The following C2orf76 variants were observed in gnomAD, a reference collection of about 807,000 sequenced individuals.
The protein encoded by C2orf76 is chromosome 2 open reading frame 76.
Under a neutral mutation model 16.9 loss-of-function variants are expected in C2orf76, and 23 were observed. The ratio of observed to expected loss-of-function variants is 1.36; its 90% confidence interval spans 0.98 to 1.93. The LOEUF (loss-of-function observed/expected upper bound fraction) is 1.93, where lower values mean the gene tolerates loss of function less well. Among genes scored for constraint, C2orf76 ranks in the 30% most tolerant of loss-of-function variants. The probability of loss-of-function intolerance (pLI) is 0.00; values close to 1 mark genes in which losing one functional copy is unlikely to be tolerated. For missense variants in C2orf76, 152 were observed against 152.6 expected, an observed-to-expected ratio of 1.00 and a Z score of 0.02; for synonymous variants, 48 against 52.3, an observed-to-expected ratio of 0.92 and a Z score of 0.35.
At chr2:119,361,850 G>T (rs999165067) in intron 1 of C2orf76, among the ~76,000 whole-genome samples, 2 of 150,562 alleles carry the variant, frequency 1.3e-5, no homozygotes, top group East Asian at 3.9e-4. Flanking sequence ...GTGTTTTTTT[G>T]AACAACATTG....
At chr2:119,353,706 G>A (rs1387723089) in intron 1 of C2orf76, among the ~76,000 whole-genome samples, 2 of 152,022 alleles carry the variant, frequency 1.3e-5, no homozygotes, top group African/African-American at 4.8e-5. Flanking sequence ...GGGACTACGG[G>A]CACACGCTGC....
intron 2 of C2orf76, among the ~76,000 whole-genome samples, chr2:119,333,776 A>G (rs757232873): frequency 7.2e-5 from 11 of 152,230 alleles, no homozygotes; most frequent in Admixed American, 3.3e-4. Flanking sequence ...AACAATCTAG[A>G]CAAATGTAAA....
At chr2:119,325,096 G>A (rs1679465011) in intron 2 of C2orf76, among the ~76,000 whole-genome samples, 1 of 152,028 alleles carries the variant, frequency 6.6e-6, no homozygotes, top group African/African-American at 2.4e-5. Flanking sequence ...AGCACTTTGG[G>A]AGTTCAAGGC....
At chr2:119,284,694 T>TTC in the C2orf76 span, among the ~76,000 whole-genome samples, 3,605 of 151,780 alleles carry the variant, frequency 0.024, 125 homozygotes, top group African/African-American at 0.078. Flanking sequence ...TTTTTTTTTT[T>TTC]TGCAACCTAA....
At chr2:119,322,984 AAAAC>A (rs1679394929) in intron 2 of C2orf76, among the ~76,000 whole-genome samples, 1 of 152,164 alleles carries the variant, frequency 6.6e-6, no homozygotes, top group African/African-American at 2.4e-5. Flanking sequence ...AAAGAAAAGT[AAAAC>A]AAACAAAAAA....
intron 2 of C2orf76, among the ~76,000 whole-genome samples, chr2:119,329,402 T>C (rs745680001): frequency 2.6e-4 from 39 of 152,054 alleles, no homozygotes; most frequent in Admixed American, 7.9e-4. Flanking sequence ...TTGATTTTTA[T>C]CTTTAAAGTA....
Position 119,318,623 on chromosome 2 carries a change from A to G in C2orf76, c.185-1120T>C, listed in dbSNP as rs988026612. ...CAGCTCACTACAAGCTCCACCTCCC[A>G]AGTTCAAGCAATTCGCCTGCCTCAG... On this transcript the variant is annotated intron_variant, in intron 3 of 5. Transcript: ENST00000334816. Among the ~76,000 whole-genome samples, 6 of 150,944 alleles carry G rather than the reference A, an allele frequency of 4.0e-5. 1 individual carries two copies. Among genetic ancestry groups the G allele is most frequent in the Admixed American group, 2.7e-4 (4 of 15,080 alleles).
the C2orf76 span, among the ~76,000 whole-genome samples, chr2:119,282,694 G>A: frequency 2.0e-5 from 3 of 152,200 alleles, no homozygotes; most frequent in African/African-American, 7.2e-5. Context: ...GGGGTGTTTG[G>A]AAAACAGAGC....
chr2:119,351,926 A>G (rs1680420011), intron 1 of C2orf76, among the ~76,000 whole-genome samples: 2 of 146,564 alleles, frequency 1.4e-5, no homozygotes, highest in South Asian at 4.6e-4. Context: ...ATTTGCAAAT[A>G]CAGAATCTGA....
At chr2:119,321,509 G>C (rs1679341667) in intron 2 of C2orf76, among the ~76,000 whole-genome samples, 1 of 152,150 alleles carries the variant, frequency 6.6e-6, no homozygotes, top group Non-Finnish European at 1.5e-5. Context: ...CCAGGCAAGA[G>C]GGTCTGTGCA....
At chr2:119,302,648 G>T in intron 5 of C2orf76, 100 bp from the exon 6 acceptor site, 1 of 545,762 alleles carries the variant, frequency 1.8e-6, no homozygotes, top group Non-Finnish European at 3.0e-6. Context: ...TTTCAGAATA[G>T]CTTCAGATGC....
intron 4 of C2orf76, among the ~76,000 whole-genome samples, chr2:119,313,469 A>G (rs1679063368): frequency 6.6e-6 from 1 of 151,924 alleles, no homozygotes; most frequent in Admixed American, 6.6e-5. Context: ...GGTGGCACAC[A>G]TCTATACTAC....
the C2orf76 span, among the ~76,000 whole-genome samples, chr2:119,294,992 G>A: frequency 6.6e-6 from 1 of 152,150 alleles, no homozygotes; most frequent in African/African-American, 2.4e-5. Context: ...GAGCCTTGGA[G>A]GGGGCACCAG....
At chr2:119,321,044 A>C in intron 3 of C2orf76, 110 bp downstream of exon 3, 1 of 534,894 alleles carries the variant, frequency 1.9e-6, no homozygotes, top group Non-Finnish European at 3.2e-6. Flanking sequence ...TAAACTTCCA[A>C]ATTGGTTTTT....
chr2:119,287,000 G>A, the C2orf76 span, among the ~76,000 whole-genome samples: 4 of 152,140 alleles, frequency 2.6e-5, no homozygotes, highest in Non-Finnish European at 4.4e-5. Flanking sequence ...TTTCACCTGC[G>A]AAGTCCCTCC....
At chr2:119,366,340 C>A in intron 1 of C2orf76, 1 of 451,514 alleles carries the variant, frequency 2.2e-6, no homozygotes, top group Non-Finnish European at 4.6e-6. Context: ...AAGACACCGT[C>A]CCTGCCTTTA....
chr2:119,356,131 G>A (rs1293799800), intron 1 of C2orf76, among the ~76,000 whole-genome samples: 2 of 152,158 alleles, frequency 1.3e-5, no homozygotes, highest in East Asian at 1.9e-4. Flanking sequence ...GGCCAGGTTC[G>A]GTGGCTCTCA....
At chr2:119,293,788 A>G in the C2orf76 span, among the ~76,000 whole-genome samples, 8 of 152,138 alleles carry the variant, frequency 5.3e-5, no homozygotes, top group Admixed American at 6.5e-5. Context: ...AAAAAGAGAT[A>G]TATATCCAAG....
chr2:119,355,923 G>A (rs927727925), intron 1 of C2orf76, among the ~76,000 whole-genome samples: 5 of 152,142 alleles, frequency 3.3e-5, no homozygotes, highest in African/African-American at 1.2e-4. Flanking sequence ...ATGCCAAGAC[G>A]TCCACATCCT....
Sources: gnomAD v4.1 joint callset for allele counts (sites outside exome capture counted in the v4.1 genomes callset) on GRCh38, gnomAD v4.1.1 for gene constraint, MANE v1.5 for transcripts, NCBI Gene and HGNC (gene_info 2026-07-23, HGNC 2026-07-21) for gene names.